Variants in ABCA5 observed in about 807,000 individuals in gnomAD.
ABCA5 encodes the protein ATP binding cassette subfamily A member 5.
In ABCA5, 163 loss-of-function variants were observed where a neutral mutation model predicts 206.0. The observed-to-expected ratio is 0.79, with a 90% confidence interval of 0.70 to 0.90. The LOEUF is 0.90. ABCA5 is among the 40% of genes least tolerant of loss of function. The probability of loss-of-function intolerance (pLI) is 0.00; values close to 1 mark genes in which losing one functional copy is unlikely to be tolerated. For synonymous variants in ABCA5, 609 were observed against 613.8 expected (o/e 0.99, Z 0.11); for missense variants, 1,859 against 1,912.9 (o/e 0.97, Z 0.53).
chr17:69,274,125 C>A lies in ABCA5; in HGVS notation c.2598G>T (p.Leu866Phe). The A allele has an allele frequency of 5.2e-6, 8 of 1,552,152 alleles. No homozygotes were observed. Among genetic ancestry groups the A allele is most frequent in the Admixed American group, 2.1e-5 (1 of 46,594 alleles). ...CTGTGAAAAAAATTAAAAGCAGAAG[C>A]AACCTGAAAAGAAAAAAAAAACAAC... ...KRESKSVRSV[L>F]LLLLIFFTVQ... The change falls in exon 20 of 39, where the codon TTG (leucine) becomes TTT (phenylalanine). Residue 866 changes from leucine (L) to phenylalanine (F), a missense_variant. Coordinates refer to ENST00000392676, the MANE Select transcript of ABCA5 (RefSeq NM_172232.4).
At chr17:69,313,635 A>G (rs1225016965) in intron 2 of ABCA5, among the ~76,000 whole-genome samples, 1 of 152,128 alleles carries the variant, frequency 6.6e-6, no homozygotes, top group Non-Finnish European at 1.5e-5. Flanking sequence ...ATCTAAAGCA[A>G]TTTACCGAAC....
Position 69,306,871 on chromosome 17 carries a change from A to G in ABCA5, c.642T>C (p.Asp214=). 1 of 1,603,080 alleles carries G rather than the reference A, an allele frequency of 6.2e-7. No homozygotes were observed. Among genetic ancestry groups the G allele is most frequent in the East Asian group, 2.3e-5 (1 of 44,128 alleles). Residue 214 remains aspartate, a synonymous_variant, in exon 6 of 39, where the codon GAT becomes GAC. Transcript: ENST00000392676. ...TTAAAATTACTCCTCGGGGAAAGGT[A>G]TCTATTTCTACAACAGCAGTTTCTC... ...IMGETAVVEI[D]TFPRGVILIY...
intron 1 of ABCA5, chr17:69,315,520 C>G (rs932253589): frequency 6.6e-6 from 1 of 152,458 alleles, no homozygotes; most frequent in Non-Finnish European, 1.5e-5. Flanking sequence ...TGCGGTGGCT[C>G]ACGCCTGTAA....
At chr17:69,292,467 T>C (rs555644017) in intron 11 of ABCA5, among the ~76,000 whole-genome samples, 4 of 152,340 alleles carry the variant, frequency 2.6e-5, no homozygotes, top group African/African-American at 9.6e-5. Context: ...TCCTATCATC[T>C]TGCAAAACTC....
At chr17:69,255,882 T>C (rs2075072561) in intron 29 of ABCA5, 32 bp from the exon 30 acceptor site, 4 of 1,479,340 alleles carry the variant, frequency 2.7e-6, no homozygotes, top group East Asian at 2.3e-5. Flanking sequence ...AAAAAGAAAG[T>C]TATAAAACTT....
intron 14 of ABCA5, 57 bp downstream of exon 14, chr17:69,289,120 C>T (rs7223000): frequency 0.056 from 85,225 of 1,534,554 alleles, 2,726 homozygotes; most frequent in Non-Finnish European, 0.065. Flanking sequence ...CTACAACCTG[C>T]TTTTTAATTC....
At chr17:69,251,718 C>T in intron 35 of ABCA5, 29 bp downstream of exon 35, 6 of 1,597,362 alleles carry the variant, frequency 3.8e-6, no homozygotes, top group Non-Finnish European at 5.1e-6. Context: ...AACCTCTTCC[C>T]CTGAATGGCA....
At chr17:69,251,626 A>C in intron 35 of ABCA5, 121 bp downstream of exon 35, 1 of 1,352,978 alleles carries the variant, frequency 7.4e-7, no homozygotes. Flanking sequence ...TCAAAAGCTA[A>C]CTCAAAAACT....
intron 11 of ABCA5, 82 bp from the exon 12 acceptor site, chr17:69,291,408 C>A: frequency 1.3e-6 from 1 of 784,572 alleles, no homozygotes; most frequent in Non-Finnish European, 2.1e-6. Context: ...TTTGAGCAAT[C>A]TTCAAGGCAC....
chr17:69,319,295 A>T (rs2075844150), intron 1 of ABCA5, among the ~76,000 whole-genome samples: 1 of 152,336 alleles, frequency 6.6e-6, no homozygotes, highest in Admixed American at 6.5e-5. Context: ...CTAAATTATT[A>T]ATCCACTTTG....
chr17:69,254,082 T>G (rs980742647), intron 32 of ABCA5, among the ~76,000 whole-genome samples: 2 of 152,198 alleles, frequency 1.3e-5, no homozygotes, highest in African/African-American at 4.8e-5. Context: ...AGTTTCATGA[T>G]ATCTATAGGT....
In ABCA5 at chr17:69,302,922, A is replaced by G; in HGVS notation, c.931-16T>C. The G allele has an allele frequency of 7.1e-7, 1 of 1,407,348 alleles. No homozygotes were observed. The highest frequency in any genetic ancestry group is 9.5e-7 in the Non-Finnish European group (1 of 1,051,924). 87.2% of individuals were successfully genotyped at this position (1,407,348 alleles called of 1,614,324 possible). A position where few individuals can be genotyped will look rare whatever the true frequency, so the allele number is the denominator to read the frequency against. ...CAAAAAATACCTATAAAATACAAAT[A>G]TTAAGGTTAGTGCAATGTTCATATA... On this transcript the variant is annotated splice_polypyrimidine_tract_variant and intron_variant, in intron 7 of 38. Coordinates refer to ENST00000392676, the MANE Select transcript of ABCA5 (RefSeq NM_172232.4).
At chr17:69,274,715 A>C (rs1270054996) in intron 19 of ABCA5, among the ~76,000 whole-genome samples, 1 of 152,192 alleles carries the variant, frequency 6.6e-6, no homozygotes, top group Non-Finnish European at 1.5e-5. Flanking sequence ...TGATGCCCTT[A>C]AATTTTTCTA....
At chr17:69,251,953 A>C in intron 34 of ABCA5, 87 bp from the exon 35 acceptor site, 3 of 1,420,594 alleles carry the variant, frequency 2.1e-6, no homozygotes, top group Non-Finnish European at 2.9e-6. Flanking sequence ...CGGTTGGTTA[A>C]TTAAGTTAAT....
At position 69,267,936 on chromosome 17, in the gene ABCA5, T is replaced by A; in HGVS notation, c.3144+7A>T. 6.5e-7 allele frequency: 1 copy of A among 1,537,998 alleles called. No individual in the cohort carries two copies. Among genetic ancestry groups the A allele is most frequent in the Non-Finnish European group, 9.0e-7 (1 of 1,113,378 alleles). On this transcript the variant is annotated splice_region_variant and intron_variant, in intron 23 of 38. Coordinates refer to ENST00000392676, the MANE Select transcript of ABCA5 (RefSeq NM_172232.4). ...AGCAAATTATATATTTTTAACTGAGTCATTACCTTATGATTCTCTGCATTT... is the reference window on the plus strand; with the variant it reads ...AGCAAATTATATATTTTTAACTGAGACATTACCTTATGATTCTCTGCATTT...
At chr17:69,289,592 T>C (rs546688957) in intron 13 of ABCA5, among the ~76,000 whole-genome samples, 124 of 152,176 alleles carry the variant, frequency 8.1e-4, no homozygotes, top group African/African-American at 2.9e-3. Context: ...TGGCTCTTAA[T>C]GTATGTGTGG....
intron 28 of ABCA5, among the ~76,000 whole-genome samples, chr17:69,259,421 G>C (rs1232373285): frequency 6.6e-6 from 1 of 151,876 alleles, no homozygotes; most frequent in Admixed American, 6.6e-5. Flanking sequence ...TAAATACAAG[G>C]TATTTAAGAG....
rs2075189711 is a variant in ABCA5, at chr17:69,264,782, C to T, written c.3268G>A (p.Ala1090Thr). The T allele has an allele frequency of 2.5e-6, 4 of 1,591,188 alleles. No homozygotes were observed. In the East Asian group the frequency reaches 9.1e-5, roughly 36 times the overall value. ...TAAAAATATAATCCATAATGAAATG[C>T]CAATAAGCTTCCTAGCATCAAAATA... ...ILILMLGSLL[A>T]FHYGLYFYTV... Residue 1090 changes from alanine to threonine, a missense_variant, in exon 24 of 39, where the codon GCA (alanine) becomes ACA (threonine). Coordinates refer to ENST00000392676, the MANE Select transcript of ABCA5 (RefSeq NM_172232.4).
intron 9 of ABCA5, among the ~76,000 whole-genome samples, chr17:69,299,072 A>G (rs1278913690): frequency 6.6e-6 from 1 of 152,214 alleles, no homozygotes; most frequent in Non-Finnish European, 1.5e-5. Context: ...AATGCTCAAC[A>G]TCACTAATGA....
Sources: allele counts gnomAD v4.1 joint callset (sites outside exome capture counted in the v4.1 genomes callset), GRCh38; gene constraint gnomAD v4.1.1; transcripts MANE v1.5; gene names NCBI Gene and HGNC (gene_info 2026-07-23, HGNC 2026-07-21).